Variants in LINGO1 observed in about 807,000 individuals in gnomAD.
LINGO1 encodes leucine rich repeat and Ig domain containing 1, also known as leucine-rich repeat and immunoglobulin-like domain-containing nogo receptor-interacting protein 1.
LINGO1 carries 11 observed loss-of-function variants against 37.3 expected under a neutral mutation model. That is an observed-to-expected ratio of 0.29 (90% CI 0.19 to 0.49). The LOEUF (loss-of-function observed/expected upper bound fraction) is 0.49. Among genes scored for constraint, LINGO1 ranks in the 20% least tolerant of loss-of-function variants. The probability of loss-of-function intolerance (pLI) is 0.99; values close to 1 mark genes in which losing one functional copy is unlikely to be tolerated. For missense variants in LINGO1, 585 were observed against 878.2 expected (o/e 0.67, Z 4.22); for synonymous variants, 387 against 403.0 (o/e 0.96, Z 0.48).
intron 3 of LINGO1, among the ~76,000 whole-genome samples, chr15:77,651,095 G>A (rs1177888960): frequency 6.6e-6 from 1 of 152,200 alleles, no homozygotes; most frequent in African/African-American, 2.4e-5. Context: ...TCACGCATTT[G>A]GGTGCACAGG....
chr15:77,804,792 A>G (rs1390500961), intron 1 of LINGO1, among the ~76,000 whole-genome samples: 1 of 152,204 alleles, frequency 6.6e-6, no homozygotes, highest in African/African-American at 2.4e-5. Flanking sequence ...CCACACTGCT[A>G]AGTGAGCCTG....
chr15:77,819,102 G>GC (rs1344603508), intron 1 of LINGO1, among the ~76,000 whole-genome samples: 2 of 141,084 alleles, frequency 1.4e-5, no homozygotes, highest in Admixed American at 1.4e-4. Flanking sequence ...AAGCGTGCAC[G>GC]CCCCCCACGG....
rs778395448 is a variant in LINGO1, at chr15:77,614,374, G to C, written c.1533C>G (p.His511Gln). 2 of 1,613,780 alleles carry C rather than the reference G, an allele frequency of 1.2e-6. No homozygotes were observed. The highest frequency in any genetic ancestry group is 1.7e-6 in the Non-Finnish European group (2 of 1,179,876). Reference sequence around the variant, plus strand: ...CGGGCGAGTAGCTGCGCACATGCAGGTGGGCGGGCATGGAGTCGTTGCCGC... The same window carrying C: ...CGGGCGAGTAGCTGCGCACATGCAGCTGGGCGGGCATGGAGTCGTTGCCGC... Reference protein sequence around the residue: ...NAGGNDSMPAHLHVRSYSPDW... With the variant: ...NAGGNDSMPAQLHVRSYSPDW... Residue 511 changes from histidine to glutamine, a missense_variant, in exon 2 of 2, where the codon CAC (histidine) becomes CAG (glutamine). By Grantham distance (24) the His-to-Gln change is conservative. Around this residue, in one of 4 missense-constraint regions of LINGO1, gnomAD observed 484 missense variants for 735.0 expected, o/e 0.66. Coordinates refer to ENST00000355300, the MANE Select transcript of LINGO1 (RefSeq NM_032808.7).
intron 1 of LINGO1, among the ~76,000 whole-genome samples, chr15:77,735,995 C>T (rs962199661): frequency 3.9e-5 from 6 of 152,168 alleles, no homozygotes; most frequent in Non-Finnish European, 7.3e-5. Context: ...GAGGTGAAGA[C>T]CTAAATGACT....
At chr15:77,685,118 T>C (rs1240058708) in intron 2 of LINGO1, among the ~76,000 whole-genome samples, 1 of 142,052 alleles carries the variant, frequency 7.0e-6, no homozygotes, top group African/African-American at 2.6e-5. Flanking sequence ...GTAAGAGTCA[T>C]TGGTTGTGGC....
chr15:77,764,351 C>T (rs2076506193), intron 1 of LINGO1, among the ~76,000 whole-genome samples: 1 of 152,146 alleles, frequency 6.6e-6, no homozygotes, highest in African/African-American at 2.4e-5. Context: ...ACTTTGTTAC[C>T]ATTTAAATCA....
At chr15:77,661,055 T>G (rs2074981247) in intron 3 of LINGO1, among the ~76,000 whole-genome samples, 1 of 150,988 alleles carries the variant, frequency 6.6e-6, no homozygotes. Context: ...GGGCAGAGGC[T>G]GTGATGAGAA....
chr15:77,745,301 T>C (rs28544297), intron 1 of LINGO1, among the ~76,000 whole-genome samples: 86,806 of 151,092 alleles, frequency 0.57, 25,558 homozygotes, highest in African/African-American at 0.7. Context: ...TGGTGGGCGC[T>C]TGTAGTCCCA....
At chr15:77,791,907 G>A (rs1176724923), upstream of LINGO1, among the ~76,000 whole-genome samples, 1 of 152,064 alleles carries the variant, frequency 6.6e-6, no homozygotes, top group Middle Eastern at 3.2e-3. Context: ...TGCAAAGTTA[G>A]AGTAACAGCC....
At chr15:77,645,646 G>C (rs994603821) in intron 3 of LINGO1, among the ~76,000 whole-genome samples, 7 of 152,184 alleles carry the variant, frequency 4.6e-5, no homozygotes, top group African/African-American at 1.7e-4. Context: ...TGCTGCCTCC[G>C]TGGGCCTCAG....
At chr15:77,701,144 C>T (rs556706170), upstream of LINGO1, among the ~76,000 whole-genome samples, 251 of 152,342 alleles carry the variant, frequency 1.6e-3, 8 homozygotes, top group South Asian at 0.026. Context: ...CTGGGATGCA[C>T]ACTTAGCACT....
intron 1 of LINGO1, among the ~76,000 whole-genome samples, chr15:77,777,459 A>AGATTTTG (rs1250622032): frequency 0.042 from 1,376 of 32,762 alleles, 26 homozygotes; most frequent in African/African-American, 0.083. Context: ...GGACATATAC[A>AGATTTTG]CACACGCACA....
chr15:77,631,724 C>T (rs1345608771), intron 1 of LINGO1, among the ~76,000 whole-genome samples: 1 of 152,250 alleles, frequency 6.6e-6, no homozygotes, highest in Non-Finnish European at 1.5e-5. Context: ...CTAAAGCGTT[C>T]CTGGGCGCTC....
At chr15:77,666,383 G>C (rs978341806) in intron 3 of LINGO1, among the ~76,000 whole-genome samples, 1 of 152,250 alleles carries the variant, frequency 6.6e-6, no homozygotes, top group Non-Finnish European at 1.5e-5. Context: ...ATGGGAGGGA[G>C]CCATGGGGCC....
At chr15:77,633,881 C>T (rs2074340171), upstream of LINGO1, among the ~76,000 whole-genome samples, 1 of 152,182 alleles carries the variant, frequency 6.6e-6, no homozygotes, top group African/African-American at 2.4e-5. Context: ...ACCCTCAGGA[C>T]CTCACCTTTT....
At chr15:77,812,896 G>A (rs2077017475) in intron 1 of LINGO1, among the ~76,000 whole-genome samples, 1 of 152,240 alleles carries the variant, frequency 6.6e-6, no homozygotes, top group Admixed American at 6.5e-5. Context: ...TAACTCGGGA[G>A]CTTCTCAAAC....
chr15:77,685,688 T>A lies in LINGO1; in HGVS notation c.-99+5032A>T, dbSNP rs529341576. Among the ~76,000 whole-genome samples, 66 of 123,538 alleles carry A rather than the reference T, an allele frequency of 5.3e-4. No homozygotes were observed. In the South Asian group the frequency reaches 0.015, roughly 28 times the overall value. The allele number at this position is 123,538 out of a possible 152,430, so 81.0% of individuals were successfully genotyped here. On this transcript the variant is annotated intron_variant, in intron 2 of 3. Transcript: ENST00000559893. ...GCCTGGGCAACATAGTGAGACCCCG[T>A]CTTAAAAAAAAAAAAAACGCCAGGA...
intron 2 of LINGO1, among the ~76,000 whole-genome samples, chr15:77,718,003 G>A (rs2076005350): frequency 6.6e-6 from 1 of 150,892 alleles, no homozygotes; most frequent in South Asian, 2.1e-4. Flanking sequence ...GGAGGCCCAG[G>A]GAGCTGGGAG....
At chr15:77,804,789 G>A (rs1193984089) in intron 1 of LINGO1, among the ~76,000 whole-genome samples, 1 of 152,170 alleles carries the variant, frequency 6.6e-6, no homozygotes, top group East Asian at 1.9e-4. Flanking sequence ...GTCCCACACT[G>A]CTAAGTGAGC....
Sources: gnomAD v4.1 joint callset for allele counts (sites outside exome capture counted in the v4.1 genomes callset) on GRCh38, gnomAD v4.1.1 for gene constraint, gnomAD v4.1.1 regional missense constraint, MANE v1.5 for transcripts, NCBI Gene and HGNC (gene_info 2026-07-23, HGNC 2026-07-21) for gene names.